The following ELOVL5 variants were observed in gnomAD, a reference collection of about 807,000 sequenced individuals.
ELOVL5 encodes ELOVL fatty acid elongase 5.
Under a neutral mutation model 38.6 loss-of-function variants are expected in ELOVL5, and 8 were observed. The observed-to-expected ratio is 0.21, with a 90% CI of 0.12 to 0.37. The LOEUF (loss-of-function observed/expected upper bound fraction) is 0.37. Ranked by LOEUF, ELOVL5 falls within the 10% of genes least tolerant of loss-of-function variation. ELOVL5 has a pLI of 1.00. For synonymous variants in ELOVL5, 127 were observed against 133.7 expected (o/e 0.95, Z 0.34); for missense variants, 280 against 367.8 (o/e 0.76, Z 1.95).
chr6:53,301,996 C>A (rs1421776852), intron 1 of ELOVL5, among the ~76,000 whole-genome samples: 1 of 152,164 alleles, frequency 6.6e-6, no homozygotes, highest in Non-Finnish European at 1.5e-5. Flanking sequence ...TCACCCCCAC[C>A]ACCATGGATC....
intron 1 of ELOVL5, among the ~76,000 whole-genome samples, chr6:53,313,666 A>T (rs1337384332): frequency 6.6e-6 from 1 of 152,168 alleles, no homozygotes; most frequent in Admixed American, 6.5e-5. Flanking sequence ...CTGGCTAAAA[A>T]CTTAGTTTTA....
In ELOVL5 at chr6:53,269,014, T is replaced by TAGGC. The variant is rs1240025992; in HGVS notation, c.*112_*113insGCCT. On this transcript the variant is annotated 3_prime_UTR_variant, in exon 8 of 8. Coordinates refer to ENST00000304434, the MANE Select transcript of ELOVL5 (RefSeq NM_021814.5). ...ATTGATGAAAGAAGTCCTACATGAA[T>TAGGC]CACACTATTGTAGGCCAGACTAGTT... 1 of 1,233,728 alleles carries TAGGC rather than the reference T, an allele frequency of 8.1e-7. No homozygotes were observed. The highest frequency in any genetic ancestry group is 1.1e-6 in the Non-Finnish European group (1 of 881,716). 76.4% of individuals were successfully genotyped at this position (1,233,728 alleles called of 1,614,324 possible).
At chr6:53,328,125 A>C (rs1464743411) in intron 1 of ELOVL5, among the ~76,000 whole-genome samples, 1 of 152,234 alleles carries the variant, frequency 6.6e-6, no homozygotes, top group African/African-American at 2.4e-5. Context: ...TACAAATTTA[A>C]AAAGAAACTG....
chr6:53,342,157 A>G (rs759870187), intron 1 of ELOVL5, among the ~76,000 whole-genome samples: 24 of 152,226 alleles, frequency 1.6e-4, no homozygotes, highest in Non-Finnish European at 3.2e-4. Context: ...AGATGCTTCT[A>G]ACAAATACAG....
chr6:53,329,681 G>A (rs920097276), intron 1 of ELOVL5, among the ~76,000 whole-genome samples: 3 of 151,984 alleles, frequency 2.0e-5, no homozygotes, highest in Admixed American at 6.6e-5. Flanking sequence ...AAAATTAGCC[G>A]GGCATGGTAG....
intron 1 of ELOVL5, among the ~76,000 whole-genome samples, chr6:53,340,174 A>G (rs1055855635): frequency 2.6e-5 from 4 of 152,112 alleles, no homozygotes; most frequent in African/African-American, 9.6e-5. Context: ...AAAAGTTTAA[A>G]AAATTTATAA....
intron 1 of ELOVL5, among the ~76,000 whole-genome samples, chr6:53,305,701 AC>A (rs1477720350): frequency 7.0e-6 from 1 of 143,396 alleles, no homozygotes; most frequent in Non-Finnish European, 1.5e-5. Context: ...CCGGGCAGAG[AC>A]GCTCCTCACT....
At chr6:53,291,443 G>T (rs968596373) in intron 3 of ELOVL5, among the ~76,000 whole-genome samples, 4 of 152,178 alleles carry the variant, frequency 2.6e-5, no homozygotes, top group Non-Finnish European at 5.9e-5. Context: ...GCTTTCACAT[G>T]TGTTTTTCAC....
chr6:53,330,456 A>T (rs887083326), intron 1 of ELOVL5, among the ~76,000 whole-genome samples: 3 of 144,710 alleles, frequency 2.1e-5, no homozygotes, highest in South Asian at 2.2e-4. Context: ...TTATTTTAAA[A>T]TTTTTTCTTC....
intron 1 of ELOVL5, among the ~76,000 whole-genome samples, chr6:53,324,803 C>CA (rs905778373): frequency 1.5e-3 from 218 of 149,342 alleles, no homozygotes; most frequent in African/African-American, 4.1e-3. Flanking sequence ...GCTATCATAC[C>CA]AAAAAAAAAT....
intron 1 of ELOVL5, among the ~76,000 whole-genome samples, chr6:53,298,537 G>A (rs916680553): frequency 6.6e-6 from 1 of 151,986 alleles, no homozygotes; most frequent in African/African-American, 2.4e-5. Context: ...TCTGAAAAAC[G>A]GGGAAAAGAC....
intron 6 of ELOVL5, among the ~76,000 whole-genome samples, chr6:53,271,753 C>T (rs1765940686): frequency 1.3e-5 from 2 of 152,172 alleles, no homozygotes; most frequent in Non-Finnish European, 2.9e-5. Flanking sequence ...ACCCACTGTG[C>T]CTGGCTGTTT....
At chr6:53,341,149 G>A (rs209515) in intron 1 of ELOVL5, among the ~76,000 whole-genome samples, 80,790 of 151,954 alleles carry the variant, frequency 0.53, 22,696 homozygotes, top group Non-Finnish European at 0.62. Context: ...CAAAAAAGAG[G>A]TTTAAGTTCA....
intron 2 of ELOVL5, among the ~76,000 whole-genome samples, chr6:53,294,950 TTCACTATTA>T (rs1326481263): frequency 6.6e-6 from 1 of 152,228 alleles, no homozygotes; most frequent in Admixed American, 6.5e-5. Context: ...TCTCCACGCC[TTCACTATTA>T]TCACTATTAT....
chr6:53,284,517 A>C (rs538812574), intron 3 of ELOVL5, among the ~76,000 whole-genome samples: 1 of 152,318 alleles, frequency 6.6e-6, no homozygotes, highest in African/African-American at 2.4e-5. Flanking sequence ...TACAATAAAA[A>C]ATAATGGTTA....
At chr6:53,281,497 C>T (rs917411205) in intron 3 of ELOVL5, among the ~76,000 whole-genome samples, 7 of 152,210 alleles carry the variant, frequency 4.6e-5, no homozygotes, top group African/African-American at 1.7e-4. Flanking sequence ...GCACCTCAAA[C>T]AGCAGTTCCA....
intron 3 of ELOVL5, among the ~76,000 whole-genome samples, chr6:53,286,241 T>G (rs1766564340): frequency 1.3e-5 from 2 of 152,208 alleles, no homozygotes; most frequent in Admixed American, 6.5e-5. Flanking sequence ...AGAAGATTCT[T>G]GGCACACTGT....
chr6:53,287,875 A>G, intron 3 of ELOVL5: 5 of 1,535,694 alleles, frequency 3.3e-6, no homozygotes, highest in Non-Finnish European at 4.4e-6. Flanking sequence ...GTTTTCTGGC[A>G]GCTGCTGCTG....
intron 1 of ELOVL5, among the ~76,000 whole-genome samples, chr6:53,317,246 A>AT (rs1264538458): frequency 6.6e-6 from 1 of 152,166 alleles, no homozygotes; most frequent in African/African-American, 2.4e-5. Flanking sequence ...TTCCAAAGTG[A>AT]TTTCTCTCAT....
Sources: gnomAD v4.1 joint callset for allele counts (sites outside exome capture counted in the v4.1 genomes callset) on GRCh38, gnomAD v4.1.1 for gene constraint, MANE v1.5 for transcripts, NCBI Gene and HGNC (gene_info 2026-07-23, HGNC 2026-07-21) for gene names.